Variants in MAGT1 observed in about 807,000 individuals in gnomAD.
MAGT1 encodes dolichyl-diphosphooligosaccharide--protein glycosyltransferase subunit MAGT1.
A neutral mutation model predicts 28.4 loss-of-function variants in MAGT1; 4 were observed. The observed-to-expected ratio is 0.14, with a 90% CI of 0.07 to 0.32. The LOEUF (loss-of-function observed/expected upper bound fraction) is 0.32. Ranked by LOEUF, MAGT1 falls within the 10% of genes least tolerant of loss-of-function variation. The pLI is 1.00. For synonymous variants in MAGT1, 89 were observed against 89.7 expected, an observed-to-expected ratio of 0.99 and a Z score of 0.04; for missense variants, 193 against 264.5, an observed-to-expected ratio of 0.73 and a Z score of 1.88.
intron 3 of MAGT1, among the ~76,000 whole-genome samples, chrX:77,860,565 T>A (rs190555435): frequency 9.1e-6 from 1 of 110,236 alleles, no homozygotes; most frequent in African/African-American, 3.3e-5. Context: ...GTGTATCACT[T>A]GAGGCCAGGA....
rs2076979130 is a variant in MAGT1, at chrX:77,855,460, A to C, written c.762+41T>G. The C allele has an allele frequency of 6.2e-6, 6 of 970,577 alleles. No individual in the cohort carries two copies. The East Asian group carries it at 1.8e-4, about 30-fold the overall frequency. 80.0% of individuals were successfully genotyped at this position (970,577 alleles called of 1,213,427 possible). A position where few individuals can be genotyped will look rare whatever the true frequency, so the allele number is the denominator to read the frequency against. On this transcript the variant is annotated intron_variant, in intron 6 of 9. Coordinates refer to ENST00000618282, the MANE Select transcript of MAGT1 (RefSeq NM_001367916.1). ...TCACAGGGTAATAATCATTGAGTTA[A>C]CTTTGGTCTACAAAGGAAAGAAATC...
At chrX:77,874,595 C>CAA (rs35731315) in intron 2 of MAGT1, among the ~76,000 whole-genome samples, 9 of 57,072 alleles carry the variant, frequency 1.6e-4, no homozygotes, top group Non-Finnish European at 1.3e-4. Context: ...GACTTTGTTT[C>CAA]AAAAAAAAAA....
intron 8 of MAGT1, among the ~76,000 whole-genome samples, chrX:77,834,957 C>CTTT (rs1217379123): frequency 1.0e-5 from 1 of 96,655 alleles, no homozygotes; most frequent in Admixed American, 1.1e-4. Flanking sequence ...AACATAAAAT[C>CTTT]TTTTTTTTTT....
chrX:77,864,331 C>T (rs2077003011), intron 3 of MAGT1, among the ~76,000 whole-genome samples: 1 of 110,053 alleles, frequency 9.1e-6, no homozygotes, highest in Admixed American at 9.9e-5. Flanking sequence ...TACACTCATA[C>T]AGTTAGAAGG....
At chrX:77,830,163 A>C (rs1335488654) in intron 9 of MAGT1, among the ~76,000 whole-genome samples, 1 of 112,131 alleles carries the variant, frequency 8.9e-6, no homozygotes, top group Non-Finnish European at 1.9e-5. Context: ...CTTTACAAAA[A>C]ATAAAAATAT....
intron 9 of MAGT1, among the ~76,000 whole-genome samples, chrX:77,830,184 T>C (rs1467808386): frequency 8.9e-6 from 1 of 111,838 alleles, no homozygotes; most frequent in Non-Finnish European, 1.9e-5. Context: ...TAGCTGGGTG[T>C]GGTCATGTGC....
chrX:77,843,253 T>C (rs1297086006), intron 7 of MAGT1, among the ~76,000 whole-genome samples: 2 of 111,684 alleles, frequency 1.8e-5, no homozygotes, highest in African/African-American at 6.5e-5. Flanking sequence ...ATTTATTTAT[T>C]TGAGACAGGG....
At chrX:77,868,574 T>C (rs1557217050) in intron 3 of MAGT1, 5 of 214,131 alleles carry the variant, frequency 2.3e-5, no homozygotes, top group Non-Finnish European at 4.6e-5. Flanking sequence ...GAGGCAGAGG[T>C]TGCAGTGAGC....
intron 2 of MAGT1, among the ~76,000 whole-genome samples, chrX:77,871,279 AAAGAC>A (rs1557217312): frequency 3.5e-5 from 4 of 112,857 alleles, no homozygotes; most frequent in Admixed American, 2.8e-4. Flanking sequence ...CTAAGAGTTC[AAAGAC>A]AAGACAGAAG....
intron 7 of MAGT1, among the ~76,000 whole-genome samples, chrX:77,849,431 T>C (rs1007028634): frequency 9.1e-6 from 1 of 110,434 alleles, no homozygotes; most frequent in African/African-American, 3.3e-5. Flanking sequence ...AATAAACCCA[T>C]AGTGTTAGCA....
chrX:77,830,951 T>C (rs782649873), intron 8 of MAGT1, 56 bp from the exon 9 acceptor site: 3 of 467,664 alleles, frequency 6.4e-6, no homozygotes, highest in African/African-American at 2.5e-5. Flanking sequence ...TAAATAACCA[T>C]GGCAGTCTAT....
chrX:77,867,901 T>G (rs187886994), intron 3 of MAGT1, among the ~76,000 whole-genome samples: 1 of 67,163 alleles, frequency 1.5e-5, no homozygotes, highest in Non-Finnish European at 4.0e-5. Flanking sequence ...TAGAAAAAAC[T>G]CTGGGAAATG....
chrX:77,857,697 T>C (rs781912079), intron 3 of MAGT1, among the ~76,000 whole-genome samples, 200 bp from the exon 4 acceptor site: 3 of 111,608 alleles, frequency 2.7e-5, no homozygotes, highest in African/African-American at 9.7e-5. Context: ...AAGTATTACA[T>C]ACTACTCACC....
chrX:77,878,450 G>A (rs1249395414), intron 1 of MAGT1, among the ~76,000 whole-genome samples: 3 of 92,683 alleles, frequency 3.2e-5, no homozygotes, highest in African/African-American at 1.2e-4. Context: ...TCCAGCCTGG[G>A]TGACAGAGTA....
At chrX:77,874,393 C>G (rs1228671878) in intron 2 of MAGT1, among the ~76,000 whole-genome samples, 1 of 106,432 alleles carries the variant, frequency 9.4e-6, no homozygotes, top group African/African-American at 3.4e-5. Context: ...GTCAAAAGAT[C>G]GAGTCCATCC....
chrX:77,881,511 G>A (rs1197777328), intron 1 of MAGT1, among the ~76,000 whole-genome samples: 4 of 104,496 alleles, frequency 3.8e-5, no homozygotes, highest in African/African-American at 7.0e-5. Flanking sequence ...GAGAACATGC[G>A]GTGTTAGGTT....
intron 1 of MAGT1, among the ~76,000 whole-genome samples, chrX:77,882,996 TTATATATATTTATATATATAAATTA>T (rs1301960607): frequency 1.0e-5 from 1 of 100,319 alleles, no homozygotes; most frequent in Non-Finnish European, 2.0e-5. Flanking sequence ...TATATATAAT[TTATATATATTTATATATATAAATTA>T]TATATTTGTT....
intron 2 of MAGT1, among the ~76,000 whole-genome samples, chrX:77,872,074 G>A (rs1459795561): frequency 9.2e-6 from 1 of 108,158 alleles, no homozygotes; most frequent in Admixed American, 1.0e-4. Context: ...AGACAGTCTC[G>A]CTCTGTGGCC....
At chrX:77,866,449 T>G (rs2077009024) in intron 3 of MAGT1, among the ~76,000 whole-genome samples, 1 of 67,026 alleles carries the variant, frequency 1.5e-5, no homozygotes, top group African/African-American at 3.5e-5. Context: ...CTCATGTTTC[T>G]GCACATCTTG....
Sources: gnomAD v4.1 joint callset for allele counts (sites outside exome capture counted in the v4.1 genomes callset) on GRCh38, gnomAD v4.1.1 for gene constraint, MANE v1.5 for transcripts, NCBI Gene and HGNC (gene_info 2026-07-23, HGNC 2026-07-21) for gene names.